The following WRN variants were observed in gnomAD, a reference collection of about 807,000 sequenced individuals.
WRN encodes WRN RecQ like helicase.
In WRN, 149 loss-of-function variants were observed where a neutral mutation model predicts 180.7. The ratio of observed to expected loss-of-function variants is 0.82; its 90% CI spans 0.72 to 0.94. The LOEUF (loss-of-function observed/expected upper bound fraction) is 0.94. WRN is among the 40% of genes least tolerant of loss of function. The pLI, the probability that WRN is intolerant of heterozygous loss-of-function variation, is 0.00. For missense variants in WRN, 1,661 were observed against 1,700.1 expected, an observed-to-expected ratio of 0.98 and a Z score of 0.40; for synonymous variants, 548 against 568.9, an observed-to-expected ratio of 0.96 and a Z score of 0.52.
intron 33 of WRN, among the ~76,000 whole-genome samples, chr8:31,164,035 A>G (rs760774561): frequency 3.9e-5 from 6 of 152,028 alleles, no homozygotes; most frequent in Non-Finnish European, 5.9e-5. Flanking sequence ...ATGAGTTCTC[A>G]CTACATTGCC....
intron 1 of WRN, among the ~76,000 whole-genome samples, chr8:31,042,545 A>T (rs1259376077): frequency 1.3e-5 from 2 of 152,168 alleles, no homozygotes; most frequent in African/African-American, 4.8e-5. Context: ...TTCTTGTAGG[A>T]GTAGTAGGTG....
At chr8:31,143,335 G>C (rs954849513) in intron 27 of WRN, among the ~76,000 whole-genome samples, 1 of 152,064 alleles carries the variant, frequency 6.6e-6, no homozygotes, top group African/African-American at 2.4e-5. Flanking sequence ...TTTATTTTCT[G>C]TAGTTTTGGG....
chr8:31,131,958 CTTTTT>C (rs71208103), intron 23 of WRN, among the ~76,000 whole-genome samples: 9 of 123,128 alleles, frequency 7.3e-5, no homozygotes, highest in Admixed American at 1.7e-4. Context: ...AGCTGAAAGG[CTTTTT>C]TTTTTTTTTT....
chr8:31,127,620 A>G (rs1801978101), intron 23 of WRN, among the ~76,000 whole-genome samples: 1 of 152,068 alleles, frequency 6.6e-6, no homozygotes, highest in South Asian at 2.1e-4. Context: ...TACAACCAAC[A>G]AACAGTAACT....
At chr8:31,113,770 T>A (rs1255717513) in intron 19 of WRN, among the ~76,000 whole-genome samples, 2 of 152,194 alleles carry the variant, frequency 1.3e-5, no homozygotes, top group East Asian at 3.8e-4. Flanking sequence ...ATGTTGACTC[T>A]GCTAATTGAG....
At chr8:31,150,279 G>A (rs1803066041) in intron 30 of WRN, 62 bp from the exon 31 acceptor site, 1 of 1,330,426 alleles carries the variant, frequency 7.5e-7, no homozygotes, top group Non-Finnish European at 1.1e-6. Context: ...TATTGCTGGA[G>A]TGATACTGTT....
rs1804257425 is a variant in WRN, at chr8:31,175,816, C to G, written c.*2714C>G. Among the ~76,000 whole-genome samples, 2 of 152,294 alleles carry G rather than the reference C, an allele frequency of 1.3e-5. No individual in the cohort carries two copies. The highest frequency in any genetic ancestry group is 2.1e-4 in the South Asian group (1 of 4,824). On this transcript the variant is annotated 3_prime_UTR_variant, in exon 35 of 35. Coordinates refer to ENST00000298139, the MANE Select transcript of WRN (RefSeq NM_000553.6). ...GATTTGCAAAATGTAAACAATGCTG[C>G]TGTTCTCAGTTTTTAAAAATATGTT...
Position 31,111,598 on chromosome 8 carries a change from A to G in WRN, c.2089-17A>G. On this transcript the variant is annotated splice_polypyrimidine_tract_variant and intron_variant, in intron 18 of 34. Transcript: ENST00000298139. ...TGAGCTCTTTCCTTTTTAAAATATC[A>G]GTTTTACATCATTCAGGTTCCAATC... is the stretch of plus-strand genomic sequence containing the variant. 1 of 1,613,564 alleles carries G rather than the reference A, an allele frequency of 6.2e-7. No homozygotes were observed. The highest frequency in any genetic ancestry group is 8.5e-7 in the Non-Finnish European group (1 of 1,179,618).
intron 13 of WRN, 140 bp from the exon 14 acceptor site, chr8:31,090,325 A>T: frequency 1.3e-6 from 1 of 770,754 alleles, no homozygotes; most frequent in African/African-American, 1.8e-5. Context: ...TGTTTGTTTT[A>T]AAGTTCCAGG....
chr8:31,149,399 A>AAAAAAAT (rs1328266411), intron 30 of WRN, among the ~76,000 whole-genome samples: 1 of 148,636 alleles, frequency 6.7e-6, no homozygotes, highest in Non-Finnish European at 1.5e-5. Context: ...TCCGTCTAAA[A>AAAAAAAT]AAAAAATAAA....
At chr8:31,143,073 T>A (rs537412925) in intron 27 of WRN, among the ~76,000 whole-genome samples, 27 of 146,384 alleles carry the variant, frequency 1.8e-4, no homozygotes, top group East Asian at 1.2e-3. Context: ...TCTCTCTCTC[T>A]CACACACACA....
intron 11 of WRN, among the ~76,000 whole-genome samples, chr8:31,085,715 T>G (rs1585434073): frequency 6.6e-6 from 1 of 152,076 alleles, no homozygotes; most frequent in South Asian, 2.1e-4. Flanking sequence ...AGTGATCTAC[T>G]GGCCTCAGCC....
At chr8:31,170,863 A>G (rs576270203) in intron 34 of WRN, among the ~76,000 whole-genome samples, 2 of 152,348 alleles carry the variant, frequency 1.3e-5, no homozygotes, top group African/African-American at 4.8e-5. Flanking sequence ...GCTTTTCCCA[A>G]TGAAATAAGA....
At chr8:31,125,360 C>T (rs1189042979) in intron 23 of WRN, among the ~76,000 whole-genome samples, 1 of 150,714 alleles carries the variant, frequency 6.6e-6, no homozygotes, top group Non-Finnish European at 1.5e-5. Flanking sequence ...TGAAACATTA[C>T]ATTCCATGAA....
Position 31,080,802 on chromosome 8 carries a change from T to C in WRN, c.840-65T>C, listed in dbSNP as rs113308997. On this transcript the variant is annotated intron_variant, in intron 8 of 34. Coordinates refer to ENST00000298139, the MANE Select transcript of WRN (RefSeq NM_000553.6). ...GAAAGCTTTTACTTGTTAAAAAGCT[T>C]CACAGTTTGTCCTTGTAGTTAATGC... The C allele has an allele frequency of 2.8e-5, 38 of 1,351,358 alleles. No homozygotes were observed. The African/African-American group carries it at 3.7e-4, about 13-fold the overall frequency. The allele number at this position is 1,351,358 out of a possible 1,614,324, so 83.7% of individuals were successfully genotyped here.
In WRN at chr8:31,039,502, A is replaced by T. The variant is rs148825528; in HGVS notation, c.-77+5529A>T. 3.8e-3 allele frequency among the ~76,000 whole-genome samples: 575 copies of T among 152,162 alleles called. 5 individuals carry two copies. The highest frequency in any genetic ancestry group is 0.013 in the African/African-American group (541 of 41,512). On this transcript the variant is annotated intron_variant, in intron 1 of 34. Transcript: ENST00000298139. The stretch of plus-strand genomic sequence containing the variant: ...GGGATTATGTCATCTGTATATAGAG[A>T]TAGTTTTACTTCTTCCTTTCCATTA...
intron 18 of WRN, among the ~76,000 whole-genome samples, chr8:31,105,238 A>T (rs148446350): frequency 1.4e-4 from 21 of 152,312 alleles, no homozygotes; most frequent in African/African-American, 4.8e-4. Flanking sequence ...CAAGGTAGCT[A>T]TTAAAATCTT....
chr8:31,064,834 T>C, intron 4 of WRN, 81 bp from the exon 5 acceptor site: 6 of 1,490,126 alleles, frequency 4.0e-6, no homozygotes. Flanking sequence ...AATTTACACA[T>C]AAACATGGTA....
chr8:31,074,696 A>AT (rs1468348339), intron 7 of WRN, among the ~76,000 whole-genome samples: 1 of 152,132 alleles, frequency 6.6e-6, no homozygotes, highest in Non-Finnish European at 1.5e-5. Flanking sequence ...AGTGGGTTTT[A>AT]TTATGAGTAG....
Sources: gnomAD v4.1 joint callset for allele counts (sites outside exome capture counted in the v4.1 genomes callset) on GRCh38, gnomAD v4.1.1 for gene constraint, MANE v1.5 for transcripts, NCBI Gene and HGNC (gene_info 2026-07-23, HGNC 2026-07-21) for gene names.